RIMS2: variants seen among roughly 807,000 people sequenced by gnomAD.
The protein encoded by RIMS2 is regulating synaptic membrane exocytosis protein 2.
Under a neutral mutation model 174.4 loss-of-function variants are expected in RIMS2, and 59 were observed. That is an observed-to-expected ratio of 0.34 (90% confidence interval 0.27 to 0.42). RIMS2 has a LOEUF of 0.42. Ranked by LOEUF, RIMS2 falls within the 10% of genes least tolerant of loss-of-function variation. The pLI, the probability that RIMS2 is intolerant of heterozygous loss-of-function variation, is 1.00. For missense variants in RIMS2, 1,620 were observed against 1,666.3 expected, an observed-to-expected ratio of 0.97 and a Z score of 0.48; for synonymous variants, 606 against 572.5, an observed-to-expected ratio of 1.06 and a Z score of -0.84.
At chr8:104,248,893 C>CTCTCTCTCTCTCTCTG in intron 21 of RIMS2, 80 bp downstream of exon 27, 1 of 331,872 alleles carries the variant, frequency 3.0e-6, no homozygotes, top group Non-Finnish European at 5.5e-6. Context: ...ATAGAATCTT[C>CTCTCTCTCTCTCTCTG]TCTCTCTCTC....
At chr8:103,682,245 G>T (rs999931325) in intron 1 of RIMS2, among the ~76,000 whole-genome samples, 2 of 152,058 alleles carry the variant, frequency 1.3e-5, no homozygotes, top group Non-Finnish European at 2.9e-5. Flanking sequence ...ATAGGTGGAA[G>T]TTGAAGCCTT....
At chr8:103,838,639 A>C (rs1157743405) in intron 3 of RIMS2, among the ~76,000 whole-genome samples, 2 of 152,206 alleles carry the variant, frequency 1.3e-5, no homozygotes, top group African/African-American at 4.8e-5. Flanking sequence ...TTACTTCTCA[A>C]AAGTTACGAA....
At chr8:104,088,888 A>G (rs2097582154) in intron 19 of RIMS2, among the ~76,000 whole-genome samples, 2 of 152,006 alleles carry the variant, frequency 1.3e-5, no homozygotes, top group African/African-American at 4.8e-5. Flanking sequence ...CTGCAGATAC[A>G]CTGTTACTTT....
chr8:103,781,964 T>A (rs2098394300), intron 3 of RIMS2, among the ~76,000 whole-genome samples: 1 of 151,964 alleles, frequency 6.6e-6, no homozygotes, highest in Non-Finnish European at 1.5e-5. Context: ...GTCAGGCTGG[T>A]ATTGAACTCC....
At chr8:103,529,731 T>A (rs1474052922) in intron 1 of RIMS2, among the ~76,000 whole-genome samples, 2 of 152,248 alleles carry the variant, frequency 1.3e-5, no homozygotes, top group Non-Finnish European at 2.9e-5. Context: ...CGCTGGGAGC[T>A]GTAGACTGGA....
At chr8:104,051,740 G>A (rs543458156) in intron 19 of RIMS2, among the ~76,000 whole-genome samples, 4 of 152,256 alleles carry the variant, frequency 2.6e-5, no homozygotes, top group South Asian at 2.1e-4. Flanking sequence ...AGAAGGGCAC[G>A]TCAATCTCTG....
chr8:104,072,425 CAAAT>C (rs1167420623), intron 19 of RIMS2, among the ~76,000 whole-genome samples: 1 of 151,978 alleles, frequency 6.6e-6, no homozygotes, highest in Admixed American at 6.6e-5. Context: ...AATCATTTAA[CAAAT>C]AAGGGAACTA....
chr8:103,532,672 A>G (rs1837746345), intron 1 of RIMS2, among the ~76,000 whole-genome samples: 1 of 152,226 alleles, frequency 6.6e-6, no homozygotes. Context: ...TATGTGGCAC[A>G]CTTGTGACCA....
At chr8:103,841,097 G>A (rs1413711905) in intron 3 of RIMS2, among the ~76,000 whole-genome samples, 1 of 152,162 alleles carries the variant, frequency 6.6e-6, no homozygotes, top group Non-Finnish European at 1.5e-5. Flanking sequence ...AGAGAAAACT[G>A]TTGCTGTAGT....
At chr8:103,550,672 G>A (rs190775375) in intron 1 of RIMS2, among the ~76,000 whole-genome samples, 1 of 152,132 alleles carries the variant, frequency 6.6e-6, no homozygotes, top group African/African-American at 2.4e-5. Flanking sequence ...CTAGGAGCTG[G>A]TTTTTTGAAA....
intron 13 of RIMS2, among the ~76,000 whole-genome samples, chr8:103,938,336 T>A (rs1194204392): frequency 6.6e-6 from 1 of 152,160 alleles, no homozygotes; most frequent in African/African-American, 2.4e-5. Flanking sequence ...ACGTCTTACA[T>A]GGATGGTGGC....
chr8:104,142,949 A>G lies in RIMS2; in HGVS notation c.3335-101967A>G, dbSNP rs1003076176. ...AACTTTAAATTTCTGTCATCTCCAG[A>G]AGTCAAAGAATTAGTATGAAAAACT... On this transcript the variant is annotated intron_variant, in intron 19 of 23. Coordinates refer to ENST00000504942, the Ensembl canonical transcript of RIMS2. Among the ~76,000 whole-genome samples the G allele has an allele frequency of 3.3e-5, 5 of 152,200 alleles. No individual in the cohort carries two copies. In the South Asian group the frequency reaches 1.0e-3, roughly 31 times the overall value.
At chr8:103,741,126 A>G (rs993518885) in intron 2 of RIMS2, among the ~76,000 whole-genome samples, 4 of 152,040 alleles carry the variant, frequency 2.6e-5, no homozygotes, top group African/African-American at 9.7e-5. Flanking sequence ...GCAAATTTTG[A>G]TTACAAATAA....
intron 19 of RIMS2, among the ~76,000 whole-genome samples, chr8:104,241,780 G>T (rs1349271713): frequency 6.6e-6 from 1 of 151,952 alleles, no homozygotes; most frequent in Non-Finnish European, 1.5e-5. Flanking sequence ...TTGTTTTTGA[G>T]ACACAGTCTT....
intron 3 of RIMS2, among the ~76,000 whole-genome samples, chr8:103,800,874 C>T (rs1521062): frequency 0.031 from 4,740 of 152,232 alleles, 100 homozygotes; most frequent in Middle Eastern, 0.065. Flanking sequence ...CTTCAATTTT[C>T]TAGAATAGTT....
At chr8:103,635,756 C>G (rs1042160117) in intron 1 of RIMS2, among the ~76,000 whole-genome samples, 1 of 152,062 alleles carries the variant, frequency 6.6e-6, no homozygotes, top group African/African-American at 2.4e-5. Flanking sequence ...CTGAGCTGTG[C>G]TGGGGTTCCA....
chr8:104,248,191 T>C (rs2099346135), intron 20 of RIMS2, among the ~76,000 whole-genome samples: 2 of 152,146 alleles, frequency 1.3e-5, no homozygotes, highest in African/African-American at 4.8e-5. Flanking sequence ...AGACAATTAT[T>C]TCAAGGAGAG....
chr8:103,735,705 T>C (rs754277985), intron 2 of RIMS2, among the ~76,000 whole-genome samples: 6 of 152,174 alleles, frequency 3.9e-5, no homozygotes, highest in Non-Finnish European at 8.8e-5. Context: ...ATTAGTGTTC[T>C]TGATGATTTC....
At chr8:104,071,913 C>T (rs1283694519) in intron 19 of RIMS2, among the ~76,000 whole-genome samples, 1 of 152,126 alleles carries the variant, frequency 6.6e-6, no homozygotes, top group Admixed American at 6.5e-5. Context: ...AAAATGGAGA[C>T]ATTTTGAGAA....
Sources: allele counts gnomAD v4.1 joint callset (sites outside exome capture counted in the v4.1 genomes callset), GRCh38; gene constraint gnomAD v4.1.1; transcripts MANE v1.5; gene names NCBI Gene and HGNC (gene_info 2026-07-23, HGNC 2026-07-21).